The following SFMBT2 variants were observed in gnomAD, a reference collection of about 807,000 sequenced individuals.
SFMBT2 encodes Scm like with four mbt domains 2.
Under a neutral mutation model 110.1 loss-of-function variants are expected in SFMBT2, and 38 were observed. The ratio of observed to expected loss-of-function variants is 0.35; its 90% CI spans 0.27 to 0.45. The LOEUF is 0.45. SFMBT2 is among the 20% of genes least tolerant of loss of function. SFMBT2 has a pLI of 1.00. For synonymous variants in SFMBT2, 425 were observed against 425.4 expected, an observed-to-expected ratio of 1.00 and a Z score of 0.01; for missense variants, 1,011 against 1,094.9, an observed-to-expected ratio of 0.92 and a Z score of 1.08.
intron 2 of SFMBT2, among the ~76,000 whole-genome samples, chr10:7,376,136 A>G (rs766576678): frequency 1.3e-5 from 2 of 152,102 alleles, no homozygotes; most frequent in African/African-American, 2.4e-5. Flanking sequence ...TCTACTGAAC[A>G]CTGTGTCAGC....
At chr10:7,383,329 C>T (rs987352398) in intron 1 of SFMBT2, among the ~76,000 whole-genome samples, 3 of 152,002 alleles carry the variant, frequency 2.0e-5, no homozygotes, top group African/African-American at 7.2e-5. Flanking sequence ...TGTATTGAGA[C>T]CCCCATCTCT....
rs547452760 is a variant in SFMBT2 at position 7,318,781 on chromosome 10, AT to A, written c.437-32828del. On this transcript the variant is annotated intron_variant, in intron 4 of 20. Transcript: ENST00000397167. ...CAAGTGGCAAATATGTTATCAGACAATAAAAATGCTAAAAAGGGAAATAAAT... is the reference window on the plus strand; with the variant it reads ...CAAGTGGCAAATATGTTATCAGACAAAAAAATGCTAAAAAGGGAAATAAAT... Among the ~76,000 whole-genome samples the A allele has an allele frequency of 3.0e-4, 46 of 152,386 alleles. No homozygotes were observed. The East Asian group carries it at 8.7e-3, about 29-fold the overall frequency.
chr10:7,353,543 G>A (rs1228134858), intron 4 of SFMBT2, among the ~76,000 whole-genome samples: 1 of 151,182 alleles, frequency 6.6e-6, no homozygotes. Context: ...CTATGGTTGA[G>A]TACCATTTGT....
At chr10:7,311,621 A>G (rs1842859783) in intron 4 of SFMBT2, among the ~76,000 whole-genome samples, 2 of 152,246 alleles carry the variant, frequency 1.3e-5, no homozygotes, top group Non-Finnish European at 2.9e-5. Flanking sequence ...CCTTCAGTTA[A>G]AGTCAATATC....
chr10:7,260,032 C>A (rs1424337729), intron 7 of SFMBT2, among the ~76,000 whole-genome samples: 1 of 152,192 alleles, frequency 6.6e-6, no homozygotes, highest in African/African-American at 2.4e-5. Context: ...ACAATGGTGA[C>A]CACAATATGG....
At chr10:7,204,866 T>TC in intron 12 of SFMBT2, 2 of 898,154 alleles carry the variant, frequency 2.2e-6, no homozygotes, top group Non-Finnish European at 2.7e-6. Flanking sequence ...AGAGCGAAAC[T>TC]CCATCTTTAA....
intron 3 of SFMBT2, 118 bp downstream of exon 3, chr10:7,370,163 G>T: frequency 1.2e-6 from 1 of 838,996 alleles, no homozygotes; most frequent in Non-Finnish European, 1.9e-6. Context: ...CACCATGCCT[G>T]GCCACGAATT....
At chr10:7,337,741 G>C (rs1247551878) in intron 4 of SFMBT2, among the ~76,000 whole-genome samples, 2 of 152,074 alleles carry the variant, frequency 1.3e-5, no homozygotes, top group East Asian at 3.9e-4. Context: ...TAATAACACA[G>C]GCACCCAAGA....
intron 3 of SFMBT2, among the ~76,000 whole-genome samples, 159 bp from the exon 4 acceptor site, chr10:7,368,048 A>T (rs1228151461): frequency 6.6e-6 from 1 of 152,252 alleles, no homozygotes; most frequent in African/African-American, 2.4e-5. Context: ...GGAAGCCACA[A>T]ACGTAATGCT....
chr10:7,249,793 A>G (rs951565777), intron 7 of SFMBT2, among the ~76,000 whole-genome samples: 5 of 152,238 alleles, frequency 3.3e-5, no homozygotes, highest in Non-Finnish European at 1.5e-5. Flanking sequence ...CGAGTTGCCA[A>G]GGTTAACAGA....
chr10:7,192,834 G>A (rs887567622), intron 15 of SFMBT2, among the ~76,000 whole-genome samples: 4 of 152,132 alleles, frequency 2.6e-5, no homozygotes, highest in East Asian at 1.9e-4. Context: ...GGGGCACACC[G>A]CATTCTGGTT....
intron 1 of SFMBT2, among the ~76,000 whole-genome samples, chr10:7,405,552 T>C (rs971239442): frequency 2.6e-5 from 4 of 152,298 alleles, no homozygotes; most frequent in African/African-American, 9.6e-5. Flanking sequence ...ACAAGCACGG[T>C]TGCACATGGA....
intron 10 of SFMBT2, among the ~76,000 whole-genome samples, chr10:7,225,569 CAG>C (rs1330171999): frequency 6.6e-6 from 1 of 152,164 alleles, no homozygotes; most frequent in East Asian, 1.9e-4. Flanking sequence ...TTCATCCAAA[CAG>C]AGAGCATCTT....
At chr10:7,391,437 G>A (rs1259341396) in intron 1 of SFMBT2, among the ~76,000 whole-genome samples, 3 of 149,368 alleles carry the variant, frequency 2.0e-5, no homozygotes, top group African/African-American at 7.5e-5. Flanking sequence ...CTGCACTCCA[G>A]CCTGGGCAAC....
intron 11 of SFMBT2, among the ~76,000 whole-genome samples, chr10:7,217,275 A>G (rs1839573136): frequency 6.6e-6 from 1 of 152,154 alleles, no homozygotes; most frequent in Non-Finnish European, 1.5e-5. Context: ...GTGTAAATAA[A>G]CTTTAGGCCA....
chr10:7,222,521 G>A (rs1839775556), intron 10 of SFMBT2, among the ~76,000 whole-genome samples: 1 of 152,142 alleles, frequency 6.6e-6, no homozygotes, highest in Non-Finnish European at 1.5e-5. Flanking sequence ...TCCTCATGTG[G>A]TCAGGCCTCT....
At chr10:7,402,338 T>C (rs1168261449) in intron 1 of SFMBT2, among the ~76,000 whole-genome samples, 2 of 152,200 alleles carry the variant, frequency 1.3e-5, no homozygotes, top group Non-Finnish European at 2.9e-5. Flanking sequence ...TTTTAAACTA[T>C]ACTTGTGCCT....
chr10:7,387,959 A>G (rs907863343), intron 1 of SFMBT2, among the ~76,000 whole-genome samples: 3 of 151,626 alleles, frequency 2.0e-5, no homozygotes, highest in African/African-American at 7.3e-5. Context: ...AAAAAAAAAA[A>G]AAAGGTAGAA....
At chr10:7,248,672 A>C in intron 7 of SFMBT2, 23 bp from the exon 8 acceptor site, 1 of 1,608,588 alleles carries the variant, frequency 6.2e-7, no homozygotes, top group Non-Finnish European at 8.5e-7. Flanking sequence ...AGATGAAAAT[A>C]TTGAAAGCCA....
Sources: gnomAD v4.1 joint callset for allele counts (sites outside exome capture counted in the v4.1 genomes callset) on GRCh38, gnomAD v4.1.1 for gene constraint, MANE v1.5 for transcripts, NCBI Gene and HGNC (gene_info 2026-07-23, HGNC 2026-07-21) for gene names.